The following TLN2 variants were observed in gnomAD, a reference collection of about 807,000 sequenced individuals.
TLN2 encodes talin 2.
In TLN2, 118 loss-of-function variants were observed where a neutral mutation model predicts 294.7. That is an observed-to-expected ratio of 0.40 (90% CI 0.34 to 0.47). The LOEUF (loss-of-function observed/expected upper bound fraction) is 0.47. Ranked by LOEUF, TLN2 falls within the 20% of genes least tolerant of loss-of-function variation. The pLI is 0.84. For synonymous variants in TLN2, 1,431 were observed against 1,304.5 expected (o/e 1.10, Z -2.09); for missense variants, 3,083 against 3,282.2 (o/e 0.94, Z 1.48).
chr15:62,836,874 T>G (rs1410346768), intron 57 of TLN2, among the ~76,000 whole-genome samples: 1 of 152,242 alleles, frequency 6.6e-6, no homozygotes, highest in Non-Finnish European at 1.5e-5. Flanking sequence ...TTCTTTTCAC[T>G]TAACATTTTA....
At chr15:62,508,321 A>G (rs1035488264) in intron 1 of TLN2, among the ~76,000 whole-genome samples, 3 of 152,068 alleles carry the variant, frequency 2.0e-5, no homozygotes, top group African/African-American at 7.2e-5. Context: ...GGTTCAAGCG[A>G]TTCTCCTGCC....
chr15:62,578,156 T>C (rs1281901237), intron 1 of TLN2, among the ~76,000 whole-genome samples: 2 of 152,236 alleles, frequency 1.3e-5, no homozygotes, highest in Non-Finnish European at 2.9e-5. Context: ...ATAAACATTG[T>C]ATGTATTTAA....
Position 62,751,733 on chromosome 15 carries a change from G to A in TLN2, c.4210-572G>A, listed in dbSNP as rs563872799. ...CCTTCACTGTGACCTTGTACAGGAT[G>A]CATGACCACTCTGGGTTGGATTCTG... is the stretch of plus-strand genomic sequence containing the variant. On this transcript the variant is annotated intron_variant, in intron 34 of 58. Transcript: ENST00000636159. Among the ~76,000 whole-genome samples the A allele has an allele frequency of 3.3e-5, 5 of 152,346 alleles. No individual in the cohort carries two copies. In the South Asian group the frequency reaches 1.0e-3, roughly 32 times the overall value.
At chr15:62,521,840 A>G (rs1331548993) in intron 1 of TLN2, among the ~76,000 whole-genome samples, 1 of 152,196 alleles carries the variant, frequency 6.6e-6, no homozygotes, top group African/African-American at 2.4e-5. Context: ...TCAAGGAAAT[A>G]TATTTTGGGG....
intron 3 of TLN2, among the ~76,000 whole-genome samples, chr15:62,632,315 A>G (rs796693978): frequency 1.1e-4 from 17 of 152,344 alleles, no homozygotes; most frequent in African/African-American, 3.8e-4. Context: ...AGGCCCCAGA[A>G]TAATCTTGGA....
At chr15:62,739,799 C>G (rs1160023702) in intron 31 of TLN2, among the ~76,000 whole-genome samples, 26 of 152,122 alleles carry the variant, frequency 1.7e-4, no homozygotes, top group Admixed American at 1.7e-3. Flanking sequence ...AATTCATAGT[C>G]TTACTATTTG....
intron 1 of TLN2, among the ~76,000 whole-genome samples, chr15:62,544,140 G>T (rs2041858111): frequency 6.6e-6 from 1 of 152,170 alleles, no homozygotes. Context: ...CTCCATTTGA[G>T]CCTGCTCTTC....
intron 28 of TLN2, among the ~76,000 whole-genome samples, chr15:62,733,220 T>C (rs1321838148): frequency 6.6e-6 from 1 of 152,152 alleles, no homozygotes; most frequent in African/African-American, 2.4e-5. Context: ...TCTAGAGCCA[T>C]AGACACAGTT....
At chr15:62,684,990 C>A (rs1216174154) in intron 11 of TLN2, among the ~76,000 whole-genome samples, 1 of 150,986 alleles carries the variant, frequency 6.6e-6, no homozygotes, top group Non-Finnish European at 1.5e-5. Context: ...CTGAGAATAG[C>A]AGTTTAGGTG....
In TLN2 at chr15:62,657,864, C is replaced by T. The variant is rs758027735; in HGVS notation, c.754C>T (p.His252Tyr). ...GFQAQIQFGP[H>Y]VEHKHKPGFL... ...TCAAGCCCAGATACAATTTGGACCTCATGTGGAACATAAACACAAACCTGG... is the reference window on the plus strand; with the variant it reads ...TCAAGCCCAGATACAATTTGGACCTTATGTGGAACATAAACACAAACCTGG... Residue 252 changes from histidine to tyrosine, a missense_variant, in exon 9 of 59, where the codon CAT (histidine) becomes TAT (tyrosine). Coordinates refer to ENST00000636159, the MANE Select transcript of TLN2 (RefSeq NM_015059.3). The T allele has an allele frequency of 6.2e-7, 1 of 1,613,640 alleles. No homozygotes were observed. Among genetic ancestry groups the T allele is most frequent in the Admixed American group, 1.7e-5 (1 of 59,946 alleles).
intron 1 of TLN2, among the ~76,000 whole-genome samples, chr15:62,580,010 C>G (rs1048993917): frequency 5.3e-5 from 8 of 152,166 alleles, no homozygotes; most frequent in African/African-American, 1.9e-4. Flanking sequence ...GATCCCAGAT[C>G]CTCCATCGCT....
intron 1 of TLN2, among the ~76,000 whole-genome samples, chr15:62,491,127 G>A (rs1176765165): frequency 6.6e-6 from 1 of 152,148 alleles, no homozygotes; most frequent in African/African-American, 2.4e-5. Context: ...TTTGAGACCA[G>A]CCTGGCCAAC....
chr15:62,426,844 G>T (rs576473671), intron 1 of TLN2, among the ~76,000 whole-genome samples: 2 of 152,286 alleles, frequency 1.3e-5, no homozygotes, highest in South Asian at 4.1e-4. Flanking sequence ...GGCCAAGTGT[G>T]GTCTGGGAGC....
At chr15:62,471,506 A>G (rs960563182) in intron 1 of TLN2, among the ~76,000 whole-genome samples, 2 of 152,162 alleles carry the variant, frequency 1.3e-5, no homozygotes, top group Non-Finnish European at 2.9e-5. Context: ...CGCACCCTGT[A>G]TGTGCCTTTC....
At chr15:62,497,710 C>A (rs749620782) in intron 1 of TLN2, among the ~76,000 whole-genome samples, 1 of 152,116 alleles carries the variant, frequency 6.6e-6, no homozygotes, top group Non-Finnish European at 1.5e-5. Context: ...AGAGATTCTA[C>A]ATTTGGTTTT....
intron 9 of TLN2, among the ~76,000 whole-genome samples, chr15:62,665,046 T>A (rs1216245792): frequency 6.6e-6 from 1 of 151,958 alleles, no homozygotes; most frequent in East Asian, 1.9e-4. Flanking sequence ...TTCTATAATT[T>A]GAAATGTTTC....
chr15:62,733,377 C>G (rs545678485), intron 28 of TLN2, among the ~76,000 whole-genome samples: 1 of 152,154 alleles, frequency 6.6e-6, no homozygotes, highest in Non-Finnish European at 1.5e-5. Flanking sequence ...GTGTGGAAAA[C>G]TTCTCCATGG....
At chr15:62,452,169 G>C (rs2036194761) in intron 1 of TLN2, among the ~76,000 whole-genome samples, 2 of 152,134 alleles carry the variant, frequency 1.3e-5, no homozygotes, top group Non-Finnish European at 2.9e-5. Context: ...CAGTGGGGTT[G>C]TGAGGGTGCT....
intron 3 of TLN2, among the ~76,000 whole-genome samples, chr15:62,620,121 G>A (rs1330855132): frequency 6.6e-6 from 1 of 152,064 alleles, no homozygotes; most frequent in Non-Finnish European, 1.5e-5. Context: ...GACTACAGCT[G>A]GGTTCCACCA....
Sources: gnomAD v4.1 joint callset for allele counts (sites outside exome capture counted in the v4.1 genomes callset) on GRCh38, gnomAD v4.1.1 for gene constraint, MANE v1.5 for transcripts, NCBI Gene and HGNC (gene_info 2026-07-23, HGNC 2026-07-21) for gene names.